Variants in PTPRD observed in about 807,000 individuals in gnomAD.
PTPRD encodes the protein receptor-type tyrosine-protein phosphatase delta.
In PTPRD, 34 loss-of-function variants were observed where a neutral mutation model predicts 214.5. The observed-to-expected ratio is 0.16, with a 90% CI of 0.12 to 0.21. The LOEUF (loss-of-function observed/expected upper bound fraction) is 0.21, where lower values mean the gene tolerates loss of function less well. Ranked by LOEUF, PTPRD falls within the 10% of genes least tolerant of loss-of-function variation. PTPRD has a pLI of 1.00. For missense variants in PTPRD, 2,545 were observed against 2,398.7 expected (o/e 1.06, Z -1.27); for synonymous variants, 1,128 against 845.7 (o/e 1.33, Z -5.79).
chr9:10,456,365 T>C (rs1455511516), intron 2 of PTPRD, among the ~76,000 whole-genome samples: 1 of 151,944 alleles, frequency 6.6e-6, no homozygotes, highest in Non-Finnish European at 1.5e-5. Context: ...GCACTTGCCA[T>C]GCAATCACTA....
At chr9:9,151,429 T>C (rs1230874873) in intron 10 of PTPRD, among the ~76,000 whole-genome samples, 1 of 152,084 alleles carries the variant, frequency 6.6e-6, no homozygotes, top group Non-Finnish European at 1.5e-5. Flanking sequence ...ACTCCTGATG[T>C]CCCCCAGGCT....
At chr9:10,518,535 AT>A (rs370269291) in intron 2 of PTPRD, among the ~76,000 whole-genome samples, 195 of 145,770 alleles carry the variant, frequency 1.3e-3, no homozygotes, top group South Asian at 1.7e-3. Flanking sequence ...ATCATTTACA[AT>A]TTTTTTTTTT....
chr9:9,167,328 T>TG (rs2099906225), intron 10 of PTPRD, among the ~76,000 whole-genome samples: 5 of 145,588 alleles, frequency 3.4e-5, no homozygotes, highest in African/African-American at 1.3e-4. Flanking sequence ...TATATGGGGT[T>TG]TGTGTGTGTG....
chr9:10,294,422 A>G (rs771081207), intron 3 of PTPRD, among the ~76,000 whole-genome samples: 4 of 151,980 alleles, frequency 2.6e-5, no homozygotes, highest in Non-Finnish European at 4.4e-5. Flanking sequence ...AAAAACAATT[A>G]TTTTATGTGG....
At chr9:8,806,149 T>G (rs1407813695) in intron 11 of PTPRD, among the ~76,000 whole-genome samples, 7 of 151,400 alleles carry the variant, frequency 4.6e-5, no homozygotes, top group Non-Finnish European at 8.8e-5. Context: ...GGTCTCGAAC[T>G]CCTGATCTCA....
chr9:8,573,679 TA>T (rs1489614387), intron 14 of PTPRD, among the ~76,000 whole-genome samples: 1 of 152,058 alleles, frequency 6.6e-6, no homozygotes, highest in African/African-American at 2.4e-5. Context: ...ATAAAAATGA[TA>T]AAAAATATTC....
At chr9:10,238,490 G>A (rs1453605472) in intron 3 of PTPRD, among the ~76,000 whole-genome samples, 1 of 151,812 alleles carries the variant, frequency 6.6e-6, no homozygotes, top group African/African-American at 2.4e-5. Flanking sequence ...TCCAGCCTGT[G>A]TATACGCTCC....
At chr9:9,197,764 TG>T (rs2099939482) in intron 9 of PTPRD, among the ~76,000 whole-genome samples, 1 of 152,218 alleles carries the variant, frequency 6.6e-6, no homozygotes, top group Non-Finnish European at 1.5e-5. Flanking sequence ...TTCCTTTTCC[TG>T]TCAACACTCC....
At chr9:9,520,909 T>A (rs561132090) in intron 8 of PTPRD, among the ~76,000 whole-genome samples, 22 of 152,254 alleles carry the variant, frequency 1.4e-4, no homozygotes, top group Middle Eastern at 3.4e-3. Context: ...TTCAGCCAGT[T>A]TTTCTTAGTT....
At chr9:9,942,758 T>C (rs1603221998) in intron 4 of PTPRD, among the ~76,000 whole-genome samples, 1 of 152,108 alleles carries the variant, frequency 6.6e-6, no homozygotes, top group Non-Finnish European at 1.5e-5. Context: ...GACATTTGTG[T>C]GTATTTTTCT....
intron 10 of PTPRD, among the ~76,000 whole-genome samples, chr9:9,174,695 A>G (rs2099923547): frequency 6.6e-6 from 1 of 152,220 alleles, no homozygotes; most frequent in African/African-American, 2.4e-5. Context: ...GTGATTTCTA[A>G]TATTTCAAAA....
chr9:8,334,339 TCAGACCACAGTG>T (rs1844550046), intron 43 of PTPRD, among the ~76,000 whole-genome samples: 1 of 149,182 alleles, frequency 6.7e-6, no homozygotes. Context: ...AAACGGTCTC[TCAGACCACAGTG>T]CAATCAAATT....
chr9:9,389,892 T>C (rs991688657), intron 9 of PTPRD, among the ~76,000 whole-genome samples: 2 of 152,176 alleles, frequency 1.3e-5, no homozygotes, highest in Admixed American at 6.5e-5. Flanking sequence ...CTAGTTTCTA[T>C]AGATTCTAGT....
rs557837150 is a variant in PTPRD at position 8,315,883 on chromosome 9, T to C, written c.*1991A>G. ...AATCATGTAATATGTGGCAAACTTA[T>C]GCCATCATCCATGGCTTCCTATAGA... On this transcript the variant is annotated 3_prime_UTR_variant, in exon 46 of 46. Coordinates refer to ENST00000381196, the MANE Select transcript of PTPRD (RefSeq NM_002839.4). 1 of 225,524 alleles carries C rather than the reference T, an allele frequency of 4.4e-6. No individual in the cohort carries two copies. The highest frequency in any genetic ancestry group is 2.2e-5 in the African/African-American group (1 of 44,876). The allele number at this position is 225,524 out of a possible 1,614,324, so 14.0% of individuals were successfully genotyped here. A position where few individuals can be genotyped will look rare whatever the true frequency, so the allele number is the denominator to read the frequency against.
intron 12 of PTPRD, among the ~76,000 whole-genome samples, chr9:8,699,929 C>G (rs537095809): frequency 6.6e-6 from 1 of 152,218 alleles, no homozygotes; most frequent in East Asian, 1.9e-4. Context: ...ATTGATTTAA[C>G]CATTTTTTTC....
chr9:10,179,491 A>G (rs1221784852), intron 3 of PTPRD, among the ~76,000 whole-genome samples: 2 of 152,060 alleles, frequency 1.3e-5, no homozygotes, highest in African/African-American at 4.8e-5. Flanking sequence ...CAGAATAATA[A>G]TTTCAAGTTT....
At chr9:8,440,227 A>C (rs1309562492) in intron 34 of PTPRD, among the ~76,000 whole-genome samples, 1 of 152,060 alleles carries the variant, frequency 6.6e-6, no homozygotes, top group Non-Finnish European at 1.5e-5. Context: ...ATTGGCAGCA[A>C]AGAACTTGAA....
At chr9:9,979,216 G>A (rs967611476) in intron 4 of PTPRD, among the ~76,000 whole-genome samples, 1 of 151,820 alleles carries the variant, frequency 6.6e-6, no homozygotes, top group South Asian at 2.1e-4. Context: ...TGGTAAAAAT[G>A]AGTATAAATA....
chr9:8,760,494 C>G (rs73421301), intron 11 of PTPRD, among the ~76,000 whole-genome samples: 44 of 152,078 alleles, frequency 2.9e-4, no homozygotes, highest in African/African-American at 1.1e-3. Context: ...TCCCCACCTA[C>G]TCATTTTCTA....
Sources: gnomAD v4.1 joint callset for allele counts (sites outside exome capture counted in the v4.1 genomes callset) on GRCh38, gnomAD v4.1.1 for gene constraint, MANE v1.5 for transcripts, NCBI Gene and HGNC (gene_info 2026-07-23, HGNC 2026-07-21) for gene names.